CALN1: variants seen among roughly 807,000 people sequenced by gnomAD.
The protein encoded by CALN1 is calcium-binding protein 8.
CALN1 carries 17 observed loss-of-function variants against 30.6 expected under a neutral mutation model. The ratio of observed to expected loss-of-function variants is 0.56; its 90% CI spans 0.38 to 0.83. CALN1 has a LOEUF of 0.83. Among genes scored for constraint, CALN1 ranks in the 40% least tolerant of loss-of-function variants. The pLI is 0.00. For synonymous variants in CALN1, 156 were observed against 131.4 expected (o/e 1.19, Z -1.28); for missense variants, 291 against 354.9 (o/e 0.82, Z 1.45).
chr7:72,214,219 C>A (rs1307631555), intron 3 of CALN1, among the ~76,000 whole-genome samples: 1 of 152,224 alleles, frequency 6.6e-6, no homozygotes, highest in African/African-American at 2.4e-5. Flanking sequence ...GTGGCTCACG[C>A]CTGTAATCCC....
chr7:72,320,104 G>C (rs900674747), intron 2 of CALN1, among the ~76,000 whole-genome samples: 9 of 152,114 alleles, frequency 5.9e-5, no homozygotes, highest in African/African-American at 2.2e-4. Context: ...CTGGACGACA[G>C]ATCGAGATGA....
At chr7:71,889,921 C>T (rs1218326333) in intron 5 of CALN1, among the ~76,000 whole-genome samples, 2 of 149,856 alleles carry the variant, frequency 1.3e-5, no homozygotes, top group Non-Finnish European at 3.0e-5. Context: ...GCCGAGATTG[C>T]ACTACTGCAC....
intron 4 of CALN1, among the ~76,000 whole-genome samples, chr7:72,100,821 C>CA (rs35514026): frequency 0.39 from 28,553 of 73,258 alleles, 6,683 homozygotes; most frequent in East Asian, 0.76. Flanking sequence ...CTCCGTCTCA[C>CA]AAAAAAAAAA....
At chr7:72,415,013 C>T (rs1228591066), upstream of CALN1, among the ~76,000 whole-genome samples, 1 of 152,218 alleles carries the variant, frequency 6.6e-6, no homozygotes, top group African/African-American at 2.4e-5. Context: ...AGAGAGGGAT[C>T]TCTATCTCTG....
At chr7:72,435,297 G>A (rs1303772367) in intron 1 of CALN1, among the ~76,000 whole-genome samples, 5 of 151,744 alleles carry the variant, frequency 3.3e-5, no homozygotes, top group East Asian at 1.9e-4. Context: ...GAAGGGGAAC[G>A]AGAAGGGGGA....
intron 3 of CALN1, among the ~76,000 whole-genome samples, chr7:72,194,085 T>C (rs907082243): frequency 2.6e-5 from 4 of 152,178 alleles, no homozygotes; most frequent in Admixed American, 6.5e-5. Context: ...AACCCACCTG[T>C]TCCCCAAAAA....
chr7:72,050,494 C>G (rs1802767117), intron 4 of CALN1, among the ~76,000 whole-genome samples: 1 of 152,142 alleles, frequency 6.6e-6, no homozygotes, highest in Non-Finnish European at 1.5e-5. Flanking sequence ...TTCTCCTACT[C>G]AAACCCAAAG....
chr7:72,289,685 A>G (rs1206413994), intron 2 of CALN1, among the ~76,000 whole-genome samples: 1 of 152,174 alleles, frequency 6.6e-6, no homozygotes, highest in Non-Finnish European at 1.5e-5. Context: ...TTAACCACAA[A>G]ATCACAAATA....
At chr7:72,211,590 T>C (rs947388150) in intron 3 of CALN1, among the ~76,000 whole-genome samples, 1 of 152,224 alleles carries the variant, frequency 6.6e-6, no homozygotes, top group African/African-American at 2.4e-5. Context: ...AGAATTAAAT[T>C]AGATAACACA....
chr7:72,402,823 T>G (rs1806432994), intron 2 of CALN1, among the ~76,000 whole-genome samples: 1 of 152,324 alleles, frequency 6.6e-6, no homozygotes, highest in East Asian at 1.9e-4. Flanking sequence ...TGCCTTTGGC[T>G]GTGATCTCAG....
intron 4 of CALN1, among the ~76,000 whole-genome samples, chr7:72,095,071 A>G (rs1806125982): frequency 6.6e-6 from 1 of 152,176 alleles, no homozygotes; most frequent in Admixed American, 6.5e-5. Flanking sequence ...CTAAAATTGC[A>G]AAAAGAATAC....
chr7:72,279,981 C>T lies in CALN1; in HGVS notation c.120-1171G>A, dbSNP rs570140250. On this transcript the variant is annotated intron_variant, in intron 2 of 6. Transcript: ENST00000395275. Reference sequence around the variant, plus strand: ...ACTGGGCAGCACTCAACCTGTGAAACCCCTGAAAATTAAAAGGTTTAACCA... The same window carrying T: ...ACTGGGCAGCACTCAACCTGTGAAATCCCTGAAAATTAAAAGGTTTAACCA... 2.0e-5 allele frequency among the ~76,000 whole-genome samples: 3 copies of T among 152,212 alleles called. No individual in the cohort carries two copies. The South Asian group carries it at 6.2e-4, about 32-fold the overall frequency.
At chr7:71,806,250 GCACACACACACACACACACAAACA>G (rs927407444) in intron 6 of CALN1, among the ~76,000 whole-genome samples, 18 of 109,164 alleles carry the variant, frequency 1.6e-4, no homozygotes, top group Middle Eastern at 4.3e-3. Context: ...GTGCACGCAT[GCACACACACACACACACACAAACA>G]CACACACACA....
intron 4 of CALN1, among the ~76,000 whole-genome samples, chr7:72,062,435 C>G (rs1370499034): frequency 1.4e-5 from 2 of 145,990 alleles, no homozygotes; most frequent in East Asian, 4.1e-4. Context: ...TCTCTTGAAC[C>G]AGGGAAGTGG....
rs143024944 is a variant in CALN1, at chr7:72,359,285, C to T, written c.119+43966G>A. On this transcript the variant is annotated intron_variant, in intron 2 of 6. Coordinates refer to ENST00000395275, the MANE Select transcript of CALN1 (RefSeq NM_031468.4). The stretch of plus-strand genomic sequence containing the variant: ...CAATCCATTTCTGAGTCCCATCACA[C>T]GGTTCAATATTCCAATGTGAAAAAC... Among the ~76,000 whole-genome samples the T allele has an allele frequency of 1.9e-3, 289 of 152,298 alleles. 2 individuals carry two copies. The highest frequency in any genetic ancestry group is 6.3e-3 in the African/African-American group (262 of 41,568).
the CALN1 span, among the ~76,000 whole-genome samples, chr7:72,501,443 A>T: frequency 4.2e-5 from 6 of 142,684 alleles, no homozygotes; most frequent in Admixed American, 3.5e-4. Flanking sequence ...AGAAGAAAAA[A>T]GAGGAAGAGG....
chr7:72,495,277 G>C, the CALN1 span, among the ~76,000 whole-genome samples: 7 of 152,032 alleles, frequency 4.6e-5, no homozygotes, highest in Admixed American at 3.9e-4. Context: ...ATCCTCCTTG[G>C]GCAGGAGTCC....
intron 5 of CALN1, among the ~76,000 whole-genome samples, chr7:71,952,525 G>A (rs12533995): frequency 0.3 from 45,446 of 151,930 alleles, 7,351 homozygotes; most frequent in East Asian, 0.69. Flanking sequence ...CTCCCTTTTT[G>A]AGGCTAGCGG....
At chr7:72,121,737 T>C (rs1808405473) in intron 3 of CALN1, among the ~76,000 whole-genome samples, 1 of 148,624 alleles carries the variant, frequency 6.7e-6, no homozygotes, top group Admixed American at 6.7e-5. Context: ...AATAAAAATG[T>C]TTTGATTACT....
Sources: allele counts gnomAD v4.1 joint callset (sites outside exome capture counted in the v4.1 genomes callset), GRCh38; gene constraint gnomAD v4.1.1; transcripts MANE v1.5; gene names NCBI Gene and HGNC (gene_info 2026-07-23, HGNC 2026-07-21).